Variants in DPP10 observed in about 807,000 individuals in gnomAD.
The protein encoded by DPP10 is inactive dipeptidyl peptidase 10.
In DPP10, 33 loss-of-function variants were observed where a neutral mutation model predicts 120.9. The observed-to-expected ratio is 0.27, with a 90% CI of 0.21 to 0.37. The LOEUF (loss-of-function observed/expected upper bound fraction) is 0.37, where lower values mean the gene tolerates loss of function less well. Among genes scored for constraint, DPP10 ranks in the 10% least tolerant of loss-of-function variants. The pLI is 1.00. For missense variants in DPP10, 816 were observed against 942.8 expected, an observed-to-expected ratio of 0.87 and a Z score of 1.76; for synonymous variants, 337 against 326.1, an observed-to-expected ratio of 1.03 and a Z score of -0.36.
At chr2:115,472,586 C>T (rs1381693188) in intron 3 of DPP10, among the ~76,000 whole-genome samples, 1 of 152,106 alleles carries the variant, frequency 6.6e-6, no homozygotes, top group African/African-American at 2.4e-5. Context: ...TAATTGCTAC[C>T]TTTGTTCAAC....
At chr2:115,175,598 A>C (rs1430471350) in intron 1 of DPP10, among the ~76,000 whole-genome samples, 1 of 152,200 alleles carries the variant, frequency 6.6e-6, no homozygotes, top group Non-Finnish European at 1.5e-5. Context: ...GAGTTTAAAA[A>C]ACTTATTGAA....
At chr2:114,593,283 G>A (rs1691616069) in intron 1 of DPP10, among the ~76,000 whole-genome samples, 1 of 152,158 alleles carries the variant, frequency 6.6e-6, no homozygotes, top group South Asian at 2.1e-4. Flanking sequence ...TCTACCAATG[G>A]AACAGCAGAG....
At chr2:115,536,138 T>G (rs1485818718) in intron 5 of DPP10, among the ~76,000 whole-genome samples, 1 of 152,008 alleles carries the variant, frequency 6.6e-6, no homozygotes, top group Non-Finnish European at 1.5e-5. Flanking sequence ...AAGATAGAAA[T>G]AATGCCTCTA....
intron 5 of DPP10, among the ~76,000 whole-genome samples, chr2:115,652,582 C>G (rs551532032): frequency 3.3e-5 from 5 of 151,478 alleles, no homozygotes; most frequent in Non-Finnish European, 7.4e-5. Flanking sequence ...TCAGGAGAGC[C>G]GATGGTACAG....
chr2:114,865,109 A>T (rs757647126), intron 1 of DPP10, among the ~76,000 whole-genome samples: 4 of 152,188 alleles, frequency 2.6e-5, no homozygotes, highest in Non-Finnish European at 5.9e-5. Context: ...GTACTATGGA[A>T]ACAGTGACAG....
intron 1 of DPP10, among the ~76,000 whole-genome samples, chr2:114,884,531 T>C (rs1691896565): frequency 6.6e-6 from 1 of 152,198 alleles, no homozygotes; most frequent in Non-Finnish European, 1.5e-5. Context: ...ATCTGACTCT[T>C]ACTCCTCTGT....
intron 5 of DPP10, among the ~76,000 whole-genome samples, chr2:115,575,916 A>G (rs1316224787): frequency 6.6e-6 from 1 of 152,216 alleles, no homozygotes; most frequent in Admixed American, 6.5e-5. Flanking sequence ...ACCTTCAGTC[A>G]CAGTCAGCAA....
chr2:114,807,783 G>C (rs1684858880), intron 1 of DPP10, among the ~76,000 whole-genome samples: 2 of 152,160 alleles, frequency 1.3e-5, no homozygotes, highest in Non-Finnish European at 2.9e-5. Flanking sequence ...CATAGATTCT[G>C]TGGGTTGGGA....
chr2:115,131,961 G>T (rs1215452135), intron 1 of DPP10: 1 of 152,002 alleles, frequency 6.6e-6, no homozygotes, highest in Admixed American at 6.6e-5. Context: ...AGCCGATCAT[G>T]GTGGCACAAT....
At position 115,666,559 on chromosome 2, in the gene DPP10, A is replaced by C. The variant is rs572746159; in HGVS notation, c.442-23128A>C. 1.1e-4 allele frequency among the ~76,000 whole-genome samples: 16 copies of C among 152,232 alleles called. 1 individual carries two copies. The Middle Eastern group carries it at 0.01, about 97-fold the overall frequency. On this transcript the variant is annotated intron_variant, in intron 5 of 25. Transcript: ENST00000410059. ...ATATCAAAGGTTATGGCCTCCAGCT[A>C]TATCCATGATGCTGCAAAGGACATA...
chr2:114,560,079 C>A (rs763527458), intron 1 of DPP10, among the ~76,000 whole-genome samples: 1 of 152,076 alleles, frequency 6.6e-6, no homozygotes, highest in African/African-American at 2.4e-5. Flanking sequence ...ATTCTATCAT[C>A]ATGGTTTTTA....
intron 5 of DPP10, among the ~76,000 whole-genome samples, chr2:115,630,533 G>A (rs896302314): frequency 1.3e-5 from 2 of 152,216 alleles, no homozygotes; most frequent in South Asian, 2.1e-4. Context: ...TATGATATTG[G>A]CTGTGGGTTT....
At chr2:115,007,524 G>C (rs1701944703) in intron 1 of DPP10, among the ~76,000 whole-genome samples, 1 of 150,132 alleles carries the variant, frequency 6.7e-6, no homozygotes, top group Non-Finnish European at 1.5e-5. Flanking sequence ...CACAAGACAG[G>C]GATGCCCTCT....
intron 1 of DPP10, among the ~76,000 whole-genome samples, chr2:115,042,695 A>G (rs928858359): frequency 2.6e-5 from 4 of 152,250 alleles, no homozygotes; most frequent in Non-Finnish European, 5.9e-5. Context: ...TGAGCTATTC[A>G]AAGAGCAGAG....
At chr2:115,316,186 T>G (rs1234989941) in intron 2 of DPP10, among the ~76,000 whole-genome samples, 1 of 152,198 alleles carries the variant, frequency 6.6e-6, no homozygotes, top group Non-Finnish European at 1.5e-5. Flanking sequence ...TAGATACTAT[T>G]CATTTATTTA....
chr2:114,502,291 C>T (rs1558819956), intron 1 of DPP10, among the ~76,000 whole-genome samples: 1 of 151,144 alleles, frequency 6.6e-6, no homozygotes. Flanking sequence ...GGTAAATCCA[C>T]GTGAGAGAGA....
chr2:115,252,243 T>C (rs1386870349), intron 1 of DPP10, among the ~76,000 whole-genome samples: 2 of 152,206 alleles, frequency 1.3e-5, no homozygotes, highest in African/African-American at 4.8e-5. Context: ...AAACTGTTGA[T>C]TAAATTACAT....
intron 3 of DPP10, among the ~76,000 whole-genome samples, chr2:115,444,152 G>A (rs2104899473): frequency 6.6e-6 from 1 of 152,272 alleles, no homozygotes; most frequent in East Asian, 1.9e-4. Flanking sequence ...TATGAAAGAA[G>A]TAAATTTGAG....
chr2:114,925,766 T>C (rs1695574831), intron 1 of DPP10, among the ~76,000 whole-genome samples: 1 of 152,158 alleles, frequency 6.6e-6, no homozygotes, highest in African/African-American at 2.4e-5. Flanking sequence ...ATATGGACTG[T>C]AGACCCTGTT....
Sources: allele counts gnomAD v4.1 joint callset (sites outside exome capture counted in the v4.1 genomes callset), GRCh38; gene constraint gnomAD v4.1.1; transcripts MANE v1.5; gene names NCBI Gene and HGNC (gene_info 2026-07-23, HGNC 2026-07-21).